HLA-DQA1: variants seen among roughly 807,000 people sequenced by gnomAD.
HLA-DQA1 encodes the protein HLA class II histocompatibility antigen, DQ alpha 1 chain.
In HLA-DQA1, 10 loss-of-function variants were observed where a neutral mutation model predicts 20.7. The observed-to-expected ratio is 0.48, with a 90% CI of 0.30 to 0.82. The LOEUF is 0.82. Among genes scored for constraint, HLA-DQA1 ranks in the 40% least tolerant of loss-of-function variants. HLA-DQA1 has a pLI of 0.07. For synonymous variants in HLA-DQA1, 39 were observed against 109.2 expected (o/e 0.36, Z 4.01); for missense variants, 127 against 293.0 (o/e 0.43, Z 4.14).
the HLA-DQA1 span, among the ~76,000 whole-genome samples, chr6:32,653,949 C>T: frequency 0.1 from 6,972 of 67,712 alleles, 908 homozygotes; most frequent in Admixed American, 0.14. Flanking sequence ...GTCAAAATCA[C>T]AGCAGGTGGG....
downstream of HLA-DQA1, among the ~76,000 whole-genome samples, chr6:32,651,588 C>CAAAA (rs70996710): frequency 0.031 from 473 of 15,286 alleles, 87 homozygotes; most frequent in African/African-American, 0.074. Flanking sequence ...CGTCTCAAAG[C>CAAAA]AAAAAAAAAA....
chr6:32,637,619 G>A, intron 1 of HLA-DQA1, 79 bp downstream of exon 1: 1 of 666,754 alleles, frequency 1.5e-6, no homozygotes. Context: ...GATTTGCAGA[G>A]AAACTGTAGA....
the HLA-DQA1 span, among the ~76,000 whole-genome samples, chr6:32,655,261 T>G: frequency 7.0e-6 from 1 of 142,056 alleles, no homozygotes; most frequent in Non-Finnish European, 1.5e-5. Context: ...AGTTTTCTGT[T>G]TTTTAAAATC....
chr6:32,640,680 C>T (rs1168865873), intron 1 of HLA-DQA1, among the ~76,000 whole-genome samples: 1 of 106,770 alleles, frequency 9.4e-6, no homozygotes, highest in Non-Finnish European at 2.1e-5. Context: ...AAACAGAGAC[C>T]TTAGAAGGAG....
the HLA-DQA1 span, among the ~76,000 whole-genome samples, chr6:32,652,624 G>A: frequency 6.7e-6 from 1 of 149,404 alleles, no homozygotes; most frequent in Admixed American, 6.8e-5. Flanking sequence ...GATGCTTAGT[G>A]TTACAGCAGA....
the HLA-DQA1 span, among the ~76,000 whole-genome samples, chr6:32,653,810 T>C: frequency 0.033 from 2,336 of 71,058 alleles, 172 homozygotes; most frequent in Admixed American, 0.041. Context: ...TACTATTCAG[T>C]CTTATAAAAG....
downstream of HLA-DQA1, among the ~76,000 whole-genome samples, chr6:32,651,588 C>CAAAAAAAAAAAAAAAAAAA (rs70996710): frequency 5.1e-3 from 78 of 15,236 alleles, 4 homozygotes; most frequent in Non-Finnish European, 8.2e-3. Context: ...CGTCTCAAAG[C>CAAAAAAAAAAAAAAAAAAA]AAAAAAAAAA....
the HLA-DQA1 span, among the ~76,000 whole-genome samples, chr6:32,654,131 T>C: frequency 0.03 from 2,109 of 71,430 alleles, 377 homozygotes; most frequent in African/African-American, 0.066. Flanking sequence ...ATGCTGAAAC[T>C]CTGTCTTTAC....
chr6:32,637,557 G>A lies in HLA-DQA1; in HGVS notation c.82+17G>A. On this transcript the variant is annotated intron_variant, in intron 1 of 4. Coordinates refer to ENST00000343139, the MANE Select transcript of HLA-DQA1 (RefSeq NM_002122.5). ...ACATTGTGGGTGAGTGCATGAGTGA[G>A]GGATGTTCTCTGGAGCTGAAAAACA... The A allele has an allele frequency of 1.9e-6, 2 of 1,046,684 alleles. No homozygotes were observed. Among genetic ancestry groups the A allele is most frequent in the South Asian group, 2.9e-5 (2 of 69,748 alleles). 64.8% of individuals were successfully genotyped at this position (1,046,684 alleles called of 1,614,324 possible).
chr6:32,648,025 C>T (rs17843587), downstream of HLA-DQA1, among the ~76,000 whole-genome samples: 84,509 of 149,270 alleles, frequency 0.57, 24,210 homozygotes, highest in Middle Eastern at 0.7. Context: ...TGAGGTAAAA[C>T]GAGAAAGTGT....
chr6:32,644,451 C>G (rs1781746106), downstream of HLA-DQA1: 2 of 152,010 alleles, frequency 1.3e-5, no homozygotes, highest in African/African-American at 4.8e-5. Flanking sequence ...ACATTTCTGG[C>G]CTTACTTTTC....
intron 1 of HLA-DQA1, among the ~76,000 whole-genome samples, chr6:32,638,012 C>G (rs9272479): frequency 1.8e-5 from 2 of 109,928 alleles, no homozygotes; most frequent in Non-Finnish European, 3.9e-5. Context: ...CAGACTTACT[C>G]ACATTTCCAC....
chr6:32,644,448 T>C (rs1781745941), downstream of HLA-DQA1: 1 of 152,154 alleles, frequency 6.6e-6, no homozygotes, highest in Admixed American at 6.5e-5. Flanking sequence ...CTAACATTTC[T>C]GGCCTTACTT....
In HLA-DQA1 at chr6:32,642,033, C is replaced by T. The variant is rs751132570; in HGVS notation, c.393C>T (p.Leu131=). The T allele has an allele frequency of 8.6e-6, 13 of 1,502,984 alleles. No homozygotes were observed. The East Asian group carries it at 2.9e-4, about 34-fold the overall frequency. 93.1% of individuals were successfully genotyped at this position (1,502,984 alleles called of 1,614,324 possible). Residue 131 remains leucine (L), a synonymous_variant, in exon 3 of 5, where the codon CTC becomes CTT. Transcript: ENST00000343139. The part of the protein sequence containing the change: ...SPVTLGQPNT[L]ICLVDNIFPP... The stretch of plus-strand genomic sequence containing the variant: ...TGACACTGGGTCAGCCCAACACCCT[C>T]ATTTGTCTTGTGGACAACATCTTTC...
chr6:32,644,952 G>C (rs1297435987), downstream of HLA-DQA1: 1 of 131,222 alleles, frequency 7.6e-6, no homozygotes, highest in African/African-American at 2.7e-5. Context: ...TTAAAACACA[G>C]ACTGGGAATC....
At chr6:32,642,375 C>CTT (rs202014999) in intron 3 of HLA-DQA1, 122 bp downstream of exon 3, 91,520 of 474,702 alleles carry the variant, frequency 0.19, 11,006 homozygotes, top group Admixed American at 0.23. Flanking sequence ...TTCTGTCTCT[C>CTT]TTTTTTTTTT....
rs1048134 is a variant in HLA-DQA1 at position 32,642,012 on chromosome 6, A to G, written c.372A>G (p.Thr124=). Residue 124 remains threonine, a synonymous_variant, in exon 3 of 5, where the codon ACA becomes ACG. Transcript: ENST00000343139. ...EVTVFSKSPV[T]LGQPNTLICL... ...CAGTGTTTTCCAAGTCTCCCGTGACACTGGGTCAGCCCAACACCCTCATTT... is the reference window on the plus strand; with the variant it reads ...CAGTGTTTTCCAAGTCTCCCGTGACGCTGGGTCAGCCCAACACCCTCATTT... 20,631 of 1,519,762 alleles carry G rather than the reference A, an allele frequency of 0.014. 1,004 individuals are homozygous for G. Among genetic ancestry groups the G allele is most frequent in the Admixed American group, 0.062 (3,016 of 48,948 alleles). 94.1% of individuals were successfully genotyped at this position (1,519,762 alleles called of 1,614,324 possible).
chr6:32,639,089 CTT>C, intron 1 of HLA-DQA1: 1 of 246,498 alleles, frequency 4.1e-6, no homozygotes, highest in Non-Finnish European at 8.2e-6. Flanking sequence ...GTTTCACCTG[CTT>C]CTCCAGAGCG....
chr6:32,651,551 T>A (rs1406364158), downstream of HLA-DQA1, among the ~76,000 whole-genome samples: 2 of 63,352 alleles, frequency 3.2e-5, 1 homozygote, highest in African/African-American at 1.2e-4. Flanking sequence ...GCCACTGCAC[T>A]CCAGCCTGGG....
Sources: allele counts gnomAD v4.1 joint callset (sites outside exome capture counted in the v4.1 genomes callset), GRCh38; gene constraint gnomAD v4.1.1; transcripts MANE v1.5; gene names NCBI Gene and HGNC (gene_info 2026-07-23, HGNC 2026-07-21).